The following CACNB4 variants were observed in gnomAD, a reference collection of about 807,000 sequenced individuals.
CACNB4 encodes the protein calcium voltage-gated channel auxiliary subunit beta 4.
CACNB4 carries 32 observed loss-of-function variants against 71.2 expected under a neutral mutation model. That is an observed-to-expected ratio of 0.45 (90% confidence interval 0.34 to 0.60). The LOEUF is 0.60. Among genes scored for constraint, CACNB4 ranks in the 20% least tolerant of loss-of-function variants. The probability of loss-of-function intolerance (pLI) is 0.01; values close to 1 mark genes in which losing one functional copy is unlikely to be tolerated. For missense variants in CACNB4, 464 were observed against 647.9 expected (o/e 0.72, Z 3.08); for synonymous variants, 231 against 236.9 (o/e 0.97, Z 0.23).
intron 2 of CACNB4, among the ~76,000 whole-genome samples, chr2:152,023,607 GTA>G (rs1683802225): frequency 6.6e-6 from 1 of 152,046 alleles, no homozygotes; most frequent in South Asian, 2.1e-4. Context: ...GCTAATTTTT[GTA>G]TTTTAAGTAG....
At chr2:152,095,898 C>T (rs1463495049) in intron 2 of CACNB4, among the ~76,000 whole-genome samples, 1 of 152,172 alleles carries the variant, frequency 6.6e-6, no homozygotes, top group African/African-American at 2.4e-5. Flanking sequence ...AGTGATCCGC[C>T]CACCTCAGCC....
chr2:152,018,378 ACCT>A (rs1560135933), intron 2 of CACNB4, among the ~76,000 whole-genome samples: 3 of 152,076 alleles, frequency 2.0e-5, no homozygotes, highest in Non-Finnish European at 4.4e-5. Flanking sequence ...CCCTCTACAC[ACCT>A]GAAAAAAAGG....
chr2:151,967,729 A>G (rs1192698253), intron 2 of CACNB4: 3 of 152,142 alleles, frequency 2.0e-5, no homozygotes, highest in South Asian at 4.1e-4. Flanking sequence ...ACAGTTGCCA[A>G]TCTCCATGTC....
intron 2 of CACNB4, among the ~76,000 whole-genome samples, chr2:151,956,917 C>T (rs551510513): frequency 4.6e-5 from 7 of 152,210 alleles, no homozygotes; most frequent in South Asian, 4.1e-4. Flanking sequence ...GAGACCAAGG[C>T]GGTGGATCAC....
intron 2 of CACNB4, among the ~76,000 whole-genome samples, chr2:151,919,398 G>C (rs745998338): frequency 1.3e-5 from 2 of 152,098 alleles, no homozygotes; most frequent in African/African-American, 4.8e-5. Context: ...CGCCCAGCCT[G>C]TATGAGGATT....
intron 2 of CACNB4, among the ~76,000 whole-genome samples, chr2:152,025,200 A>C (rs7604566): frequency 0.016 from 2,440 of 152,346 alleles, 80 homozygotes; most frequent in African/African-American, 0.054. Flanking sequence ...CTATTCTCCT[A>C]ATCCTACACT....
chr2:151,874,727 T>G (rs2099845516), intron 5 of CACNB4, among the ~76,000 whole-genome samples: 1 of 152,202 alleles, frequency 6.6e-6, no homozygotes, highest in African/African-American at 2.4e-5. Flanking sequence ...AAGAGCTGCT[T>G]CTATTTTAGA....
chr2:152,097,761 AC>A (rs750768882), intron 2 of CACNB4, among the ~76,000 whole-genome samples: 9 of 152,186 alleles, frequency 5.9e-5, no homozygotes, highest in Non-Finnish European at 1.0e-4. Flanking sequence ...TTCCTATTTA[AC>A]CAGATACAGC....
chr2:152,094,365 G>C (rs1688148775), intron 2 of CACNB4, among the ~76,000 whole-genome samples: 1 of 152,230 alleles, frequency 6.6e-6, no homozygotes, highest in South Asian at 2.1e-4. Context: ...AGAGCTAAGA[G>C]ATCATGGCTC....
chr2:151,853,149 T>C (rs2151351724), intron 12 of CACNB4: 1 of 286,514 alleles, frequency 3.5e-6, no homozygotes, highest in Non-Finnish European at 6.4e-6. Context: ...AGCGTATCCA[T>C]GTGACTGGAG....
At chr2:152,090,736 A>G (rs1451190292) in intron 2 of CACNB4, among the ~76,000 whole-genome samples, 1 of 152,156 alleles carries the variant, frequency 6.6e-6, no homozygotes, top group Non-Finnish European at 1.5e-5. Context: ...TAAAGGATAA[A>G]TATTTATTCT....
At chr2:151,959,667 C>T (rs2099869152) in intron 2 of CACNB4, among the ~76,000 whole-genome samples, 1 of 152,084 alleles carries the variant, frequency 6.6e-6, no homozygotes, top group Admixed American at 6.5e-5. Context: ...TTGTATCCGA[C>T]TCTTTTTTTT....
At chr2:152,084,482 CAG>C (rs1687537660) in intron 2 of CACNB4, among the ~76,000 whole-genome samples, 1 of 152,152 alleles carries the variant, frequency 6.6e-6, no homozygotes, top group African/African-American at 2.4e-5. Context: ...TTACTGGACT[CAG>C]AAAAAATGGG....
chr2:151,950,472 A>AT (rs1289171985), intron 2 of CACNB4, among the ~76,000 whole-genome samples: 1 of 152,224 alleles, frequency 6.6e-6, no homozygotes, highest in African/African-American at 2.4e-5. Context: ...ACTCCTAGGT[A>AT]TATCCCCAAA....
chr2:152,038,225 A>C (rs1684695658), intron 2 of CACNB4, among the ~76,000 whole-genome samples: 1 of 152,206 alleles, frequency 6.6e-6, no homozygotes, highest in Admixed American at 6.5e-5. Context: ...AAAGTCTTGT[A>C]AAGTAAGGGG....
chr2:152,009,691 T>G (rs149610062), intron 2 of CACNB4, among the ~76,000 whole-genome samples: 4 of 152,178 alleles, frequency 2.6e-5, no homozygotes, highest in Non-Finnish European at 5.9e-5. Context: ...TTTCCTGCAG[T>G]GCAATGCACG....
chr2:151,880,547 G>C (rs1045657591), intron 4 of CACNB4: 11 of 478,862 alleles, frequency 2.3e-5, no homozygotes, highest in African/African-American at 1.8e-4. Context: ...GAGGACCATA[G>C]AGGTCTGTCA....
At chr2:151,842,255 A>C (rs2099836407) in intron 12 of CACNB4, among the ~76,000 whole-genome samples, 167 bp from the exon 13 acceptor site, 1 of 151,450 alleles carries the variant, frequency 6.6e-6, no homozygotes. Flanking sequence ...GAAGAGTTAC[A>C]CAGTTATCCA....
Position 151,872,502 on chromosome 2 carries a change from T to C in CACNB4, c.522-9A>G, listed in dbSNP as rs975684462. 10 of 1,520,108 alleles carry C rather than the reference T, an allele frequency of 6.6e-6. No individual in the cohort carries two copies. The highest frequency in any genetic ancestry group is 9.1e-6 in the Non-Finnish European group (10 of 1,097,452). 94.2% of individuals were successfully genotyped at this position (1,520,108 alleles called of 1,614,324 possible). A position where few individuals can be genotyped will look rare whatever the true frequency, so the allele number is the denominator to read the frequency against. ...AATTTCCACTTGATTTCCTAGGATA[T>C]AGAAAAGGAACTAAAGACTCACTCC... On this transcript the variant is annotated splice_polypyrimidine_tract_variant and intron_variant, in intron 5 of 13. Transcript: ENST00000539935.
Sources: allele counts gnomAD v4.1 joint callset (sites outside exome capture counted in the v4.1 genomes callset), GRCh38; gene constraint gnomAD v4.1.1; transcripts MANE v1.5; gene names NCBI Gene and HGNC (gene_info 2026-07-23, HGNC 2026-07-21).